Variants in NLGN4Y observed in about 807,000 individuals in gnomAD.
NLGN4Y encodes the protein neuroligin-4, Y-linked.
NLGN4Y carries 4 observed loss-of-function variants against 8.4 expected under a neutral mutation model. The ratio of observed to expected loss-of-function variants is 0.48; its 90% CI spans 0.23 to 1.09. The LOEUF is 1.09. Ranked by LOEUF, NLGN4Y falls within the 50% of genes least tolerant of loss-of-function variation. The pLI is 0.19. For synonymous variants in NLGN4Y, 35 were observed against 75.6 expected (o/e 0.46, Z 2.78); for missense variants, 90 against 192.3 (o/e 0.47, Z 3.15).
chrY:14,532,374 G>T, intron 1 of NLGN4Y, among the ~76,000 whole-genome samples: 1 of 33,516 alleles, frequency 3.0e-5, no homozygotes. Flanking sequence ...AACATGGAAG[G>T]CTTAGGGGTT....
chrY:14,564,996 T>A (rs574111880), intron 1 of NLGN4Y, among the ~76,000 whole-genome samples: 419 of 32,235 alleles, frequency 0.013, no homozygotes, highest in Admixed American at 0.11. Flanking sequence ...GCATATCCAC[T>A]CAAAGACCCC....
intron 1 of NLGN4Y, among the ~76,000 whole-genome samples, chrY:14,588,335 T>TCTTA (rs2080347925): frequency 3.0e-5 from 1 of 33,389 alleles, no homozygotes; most frequent in Non-Finnish European, 7.4e-5. Context: ...CAAAGGCACA[T>TCTTA]CTTACATGGC....
chrY:14,548,142 C>T, intron 1 of NLGN4Y, among the ~76,000 whole-genome samples: 1 of 32,432 alleles, frequency 3.1e-5, no homozygotes, highest in Non-Finnish European at 7.5e-5. Flanking sequence ...TTTTTTTTAA[C>T]CTGAAATTGG....
chrY:14,796,073 A>G (rs780454647), intron 4 of NLGN4Y, among the ~76,000 whole-genome samples: 1 of 32,987 alleles, frequency 3.0e-5, no homozygotes, highest in East Asian at 8.1e-4. Flanking sequence ...TATTAGATCC[A>G]TAGGGTGAAT....
chrY:14,656,056 A>G, intron 2 of NLGN4Y, among the ~76,000 whole-genome samples: 2 of 33,865 alleles, frequency 5.9e-5, no homozygotes, highest in African/African-American at 2.3e-4. Flanking sequence ...CACAAGAAGT[A>G]TGACTTTTGT....
intron 1 of NLGN4Y, among the ~76,000 whole-genome samples, chrY:14,556,816 C>T: frequency 3.0e-5 from 1 of 33,066 alleles, no homozygotes; most frequent in African/African-American, 1.2e-4. Context: ...CATTCAAATC[C>T]CTTTTCCATG....
At chrY:14,761,488 C>T in intron 4 of NLGN4Y, among the ~76,000 whole-genome samples, 1 of 33,882 alleles carries the variant, frequency 3.0e-5, no homozygotes, top group Non-Finnish European at 7.3e-5. Context: ...AGAGTATCTG[C>T]CCAGGGTACA....
intron 2 of NLGN4Y, among the ~76,000 whole-genome samples, chrY:14,718,515 G>C: frequency 3.0e-5 from 1 of 33,358 alleles, no homozygotes; most frequent in Non-Finnish European, 7.4e-5. Flanking sequence ...AAAATTAAAT[G>C]TTCACACCTT....
chrY:14,542,285 C>G (rs2080152455), intron 1 of NLGN4Y, among the ~76,000 whole-genome samples: 1 of 33,587 alleles, frequency 3.0e-5, no homozygotes, highest in Non-Finnish European at 7.4e-5. Context: ...TACAGGAGCA[C>G]ACAGATTCAT....
chrY:14,708,748 G>A (rs2080890131), intron 2 of NLGN4Y, among the ~76,000 whole-genome samples: 2 of 33,640 alleles, frequency 5.9e-5, no homozygotes, highest in Non-Finnish European at 7.4e-5. Context: ...TGTTCACAGT[G>A]GTGTATTAGT....
chrY:14,740,414 T>C, intron 4 of NLGN4Y, among the ~76,000 whole-genome samples: 1 of 33,796 alleles, frequency 3.0e-5, no homozygotes, highest in Non-Finnish European at 7.3e-5. Flanking sequence ...TGTGGCCATG[T>C]CTTCCTAGAA....
chrY:14,610,900 T>C (rs2080465252), intron 1 of NLGN4Y, among the ~76,000 whole-genome samples: 1 of 32,930 alleles, frequency 3.0e-5, no homozygotes, highest in Non-Finnish European at 7.5e-5. Context: ...ATCTGGGTGC[T>C]CCTGTATTGG....
rs769748202 is a variant in NLGN4Y, at chrY:14,626,793, A to C, written c.472+4202A>C. Among the ~76,000 whole-genome samples, 3 of 33,025 alleles carry C rather than the reference A, an allele frequency of 9.1e-5. No homozygotes were observed. In the South Asian group the frequency reaches 2.1e-3, roughly 23 times the overall value. 88.6% of individuals were successfully genotyped at this position (33,025 alleles called of 37,273 possible). A position where few individuals can be genotyped will look rare whatever the true frequency, so the allele number is the denominator to read the frequency against. On this transcript the variant is annotated intron_variant, in intron 2 of 6. Coordinates refer to ENST00000684976, the MANE Select transcript of NLGN4Y (RefSeq NM_001365588.1). ...ACAGAGTGCTGATTGGTGCATTTAC[A>C]ATCCTCTAGCTAGGCATAAAAGTTC... is the stretch of plus-strand genomic sequence containing the variant.
intron 1 of NLGN4Y, among the ~76,000 whole-genome samples, chrY:14,609,081 G>A (rs2080457660): frequency 3.0e-5 from 1 of 33,369 alleles, no homozygotes; most frequent in African/African-American, 1.2e-4. Context: ...AGATTTTGCT[G>A]AAGTTGCTTA....
At chrY:14,827,773 CTCTG>C in intron 5 of NLGN4Y, among the ~76,000 whole-genome samples, 1 of 33,140 alleles carries the variant, frequency 3.0e-5, no homozygotes. Flanking sequence ...CAGAGAGACA[CTCTG>C]TCTGAAATAA....
At chrY:14,837,086 G>T (rs2150599802) in intron 6 of NLGN4Y, among the ~76,000 whole-genome samples, 1 of 33,393 alleles carries the variant, frequency 3.0e-5, no homozygotes, top group African/African-American at 1.2e-4. Context: ...GAGGAAAAAA[G>T]AAGTCCCAAT....
chrY:14,807,530 G>GA (rs781110445), intron 4 of NLGN4Y, among the ~76,000 whole-genome samples: 28 of 30,469 alleles, frequency 9.2e-4, no homozygotes, highest in Non-Finnish European at 1.3e-3. Context: ...AAATATAAAT[G>GA]AAAAAAAAAC....
At chrY:14,608,589 TG>T (rs2080455439) in intron 1 of NLGN4Y, among the ~76,000 whole-genome samples, 1 of 32,862 alleles carries the variant, frequency 3.0e-5, no homozygotes, top group African/African-American at 1.2e-4. Context: ...AGTACCGTGC[TG>T]TTTTGGTTAC....
At chrY:14,797,271 G>GT (rs2043015027) in intron 4 of NLGN4Y, among the ~76,000 whole-genome samples, 3 of 27,591 alleles carry the variant, frequency 1.1e-4, no homozygotes, top group South Asian at 1.7e-3. Context: ...TATTTTCCCA[G>GT]TTTTTTTTGT....
Sources: allele counts gnomAD v4.1 joint callset (sites outside exome capture counted in the v4.1 genomes callset), GRCh38; gene constraint gnomAD v4.1.1; transcripts MANE v1.5; gene names NCBI Gene and HGNC (gene_info 2026-07-23, HGNC 2026-07-21).